ARMC9: variants seen among roughly 807,000 people sequenced by gnomAD.
ARMC9 encodes the protein lisH domain-containing protein ARMC9.
A neutral mutation model predicts 107.0 loss-of-function variants in ARMC9; 94 were observed. The observed-to-expected ratio is 0.88, with a 90% confidence interval of 0.74 to 1.04. The LOEUF (loss-of-function observed/expected upper bound fraction) is 1.04, where lower values mean the gene tolerates loss of function less well. Among genes scored for constraint, ARMC9 ranks in the 50% least tolerant of loss-of-function variants. ARMC9 has a pLI of 0.00. For synonymous variants in ARMC9, 380 were observed against 396.9 expected (o/e 0.96, Z 0.51); for missense variants, 942 against 1,030.1 (o/e 0.91, Z 1.17).
intron 23 of ARMC9, among the ~76,000 whole-genome samples, chr2:231,361,333 G>T (rs971148685): frequency 6.6e-6 from 1 of 151,812 alleles, no homozygotes; most frequent in Non-Finnish European, 1.5e-5. Context: ...GGGCGTGGTG[G>T]CGCACGCCTG....
chr2:231,343,274 A>C lies in ARMC9; in HGVS notation c.1879-1701A>C, dbSNP rs996546204. On this transcript the variant is annotated intron_variant, in intron 20 of 24. Transcript: ENST00000611582. ...CTGAGAACTGTCCCAGGGTCCAGTG[A>C]GGCTCACTGAATCCCGTAGGCACTG... 2.6e-5 allele frequency among the ~76,000 whole-genome samples: 4 copies of C among 151,550 alleles called. No individual in the cohort carries two copies. In the East Asian group the frequency reaches 7.7e-4, roughly 29 times the overall value.
chr2:231,227,341 G>A (rs1440821319), intron 7 of ARMC9, among the ~76,000 whole-genome samples: 1 of 152,206 alleles, frequency 6.6e-6, no homozygotes, highest in Non-Finnish European at 1.5e-5. Flanking sequence ...AAAAAGTGTA[G>A]TTAATATGAA....
chr2:231,253,068 C>CT (rs2037449570), intron 9 of ARMC9, among the ~76,000 whole-genome samples: 1 of 152,078 alleles, frequency 6.6e-6, no homozygotes, highest in Non-Finnish European at 1.5e-5. Flanking sequence ...CATGCATGGT[C>CT]TGAGCCACTT....
At chr2:231,286,434 G>A (rs2040598563) in intron 17 of ARMC9, among the ~76,000 whole-genome samples, 1 of 152,178 alleles carries the variant, frequency 6.6e-6, no homozygotes, top group Admixed American at 6.5e-5. Context: ...ATTTGTATGT[G>A]TGTCAGCACA....
At chr2:231,231,099 G>C (rs191585476) in intron 7 of ARMC9, among the ~76,000 whole-genome samples, 67 of 152,320 alleles carry the variant, frequency 4.4e-4, no homozygotes, top group African/African-American at 1.5e-3. Flanking sequence ...CTTATGTTTA[G>C]TAAATTGCAG....
intron 21 of ARMC9, among the ~76,000 whole-genome samples, chr2:231,353,855 C>T (rs1252826192): frequency 6.6e-6 from 1 of 151,986 alleles, no homozygotes; most frequent in African/African-American, 2.4e-5. Flanking sequence ...CATCAGAGCC[C>T]CCCAGGACAC....
At chr2:231,327,420 G>A (rs1485711793) in intron 19 of ARMC9, among the ~76,000 whole-genome samples, 1 of 152,104 alleles carries the variant, frequency 6.6e-6, no homozygotes, top group African/African-American at 2.4e-5. Flanking sequence ...GAATGTTATA[G>A]AAATGGAATC....
At chr2:231,355,018 A>C (rs1295366640) in intron 21 of ARMC9, among the ~76,000 whole-genome samples, 1 of 152,186 alleles carries the variant, frequency 6.6e-6, no homozygotes, top group Non-Finnish European at 1.5e-5. Flanking sequence ...GCTGTTCTGC[A>C]CACATCCTTT....
chr2:231,244,035 G>A (rs1237928056), intron 9 of ARMC9, among the ~76,000 whole-genome samples: 2 of 152,210 alleles, frequency 1.3e-5, no homozygotes, highest in Non-Finnish European at 2.9e-5. Flanking sequence ...GAGCGGTCTT[G>A]GGTCAGCTCG....
At chr2:231,353,711 G>A (rs997048791) in intron 21 of ARMC9, among the ~76,000 whole-genome samples, 3 of 151,534 alleles carry the variant, frequency 2.0e-5, no homozygotes, top group East Asian at 1.9e-4. Context: ...CCCTGCCACC[G>A]GCCACCTTCC....
chr2:231,350,809 G>A (rs2045034369), intron 21 of ARMC9, among the ~76,000 whole-genome samples: 1 of 151,210 alleles, frequency 6.6e-6, no homozygotes, highest in Non-Finnish European at 1.5e-5. Flanking sequence ...TTCCAGCCAT[G>A]GGATCTAAGA....
At chr2:231,333,394 C>T (rs1055101802) in intron 20 of ARMC9, among the ~76,000 whole-genome samples, 2 of 152,100 alleles carry the variant, frequency 1.3e-5, no homozygotes, top group East Asian at 1.9e-4. Context: ...GGCTGGGGGG[C>T]GGGGAACCAC....
chr2:231,376,299 A>G lies in ARMC9; in HGVS notation c.*4764A>G, dbSNP rs1016281276. ...TGACCACTGGTGAGTCGGGCGGAAC[A>G]GAGCCATATTTCTCTTCTTTCAAAA... On this transcript the variant is annotated 3_prime_UTR_variant, in exon 25 of 25. Coordinates refer to ENST00000611582, the MANE Select transcript of ARMC9 (RefSeq NM_001352754.2). Among the ~76,000 whole-genome samples the G allele has an allele frequency of 8.5e-5, 13 of 152,326 alleles. No homozygotes were observed. Among genetic ancestry groups the G allele is most frequent in the Admixed American group, 5.9e-4 (9 of 15,298 alleles).
chr2:231,292,514 GCCT>G (rs2041085943), intron 18 of ARMC9, among the ~76,000 whole-genome samples: 1 of 152,172 alleles, frequency 6.6e-6, no homozygotes, highest in Admixed American at 6.5e-5. Flanking sequence ...ATTCTATCCA[GCCT>G]CCTCCATTAC....
chr2:231,240,195 T>C, intron 9 of ARMC9, 154 bp downstream of exon 9: 2 of 717,068 alleles, frequency 2.8e-6, no homozygotes, highest in Non-Finnish European at 4.6e-6. Flanking sequence ...AAAATAAATC[T>C]GTTTTTGAAG....
intron 20 of ARMC9, among the ~76,000 whole-genome samples, chr2:231,344,312 T>C (rs920498174): frequency 1.2e-4 from 18 of 152,318 alleles, no homozygotes; most frequent in African/African-American, 4.3e-4. Flanking sequence ...ACGGGATCGT[T>C]TTTCTGTCAT....
intron 20 of ARMC9, among the ~76,000 whole-genome samples, chr2:231,343,316 T>C (rs1377752228): frequency 6.6e-6 from 1 of 150,808 alleles, no homozygotes; most frequent in East Asian, 1.9e-4. Flanking sequence ...TTTTTCTTCC[T>C]CTCCCTGCCT....
At chr2:231,313,922 A>ATT (rs554156249) in intron 19 of ARMC9, among the ~76,000 whole-genome samples, 6 of 130,292 alleles carry the variant, frequency 4.6e-5, no homozygotes, top group African/African-American at 1.7e-4. Flanking sequence ...CTTCTGCCTA[A>ATT]TTTTTTTTTT....
intron 23 of ARMC9, among the ~76,000 whole-genome samples, chr2:231,361,999 TGGGAAG>T (rs2045607220): frequency 6.6e-6 from 1 of 151,750 alleles, no homozygotes; most frequent in African/African-American, 2.4e-5. Flanking sequence ...GTGGGAAGGA[TGGGAAG>T]GACTTCAAGA....
Sources: allele counts gnomAD v4.1 joint callset (sites outside exome capture counted in the v4.1 genomes callset), GRCh38; gene constraint gnomAD v4.1.1; transcripts MANE v1.5; gene names NCBI Gene and HGNC (gene_info 2026-07-23, HGNC 2026-07-21).